The following EYS variants were observed in gnomAD, a reference collection of about 807,000 sequenced individuals.
EYS encodes the protein protein eyes shut homolog.
Under a neutral mutation model 282.1 loss-of-function variants are expected in EYS, and 250 were observed. The observed-to-expected ratio is 0.89, with a 90% CI of 0.80 to 0.98. The LOEUF (loss-of-function observed/expected upper bound fraction) is 0.98, where lower values mean the gene tolerates loss of function less well. EYS is among the 50% of genes least tolerant of loss of function. The pLI, the probability that EYS is intolerant of heterozygous loss-of-function variation, is 0.00. For missense variants in EYS, 4,016 were observed against 3,709.0 expected, an observed-to-expected ratio of 1.08 and a Z score of -2.15; for synonymous variants, 1,355 against 1,282.9, an observed-to-expected ratio of 1.06 and a Z score of -1.20.
intron 35 of EYS, among the ~76,000 whole-genome samples, chr6:63,946,527 G>T (rs561684008): frequency 6.6e-6 from 1 of 151,906 alleles, no homozygotes; most frequent in Admixed American, 6.6e-5. Context: ...TTATATAGGA[G>T]GTCTTACGCT....
At chr6:65,548,861 TGCTCCTGATGTTCTGTA>T in intron 2 of EYS, among the ~76,000 whole-genome samples, 1 of 152,190 alleles carries the variant, frequency 6.6e-6, no homozygotes, top group Non-Finnish European at 1.5e-5. Context: ...GAAGGAGGTG[TGCTCCTGATGTTCTGTA>T]GCACAGTGGT....
chr6:64,533,830 T>G (rs1485981057), intron 26 of EYS, among the ~76,000 whole-genome samples: 1 of 151,800 alleles, frequency 6.6e-6, no homozygotes, highest in Admixed American at 6.6e-5. Context: ...TAACTACATA[T>G]GCACATGCAT....
chr6:64,976,793 C>T (rs182710066), intron 14 of EYS, among the ~76,000 whole-genome samples: 13 of 151,980 alleles, frequency 8.6e-5, no homozygotes, highest in African/African-American at 2.7e-4. Flanking sequence ...AATTTATTGG[C>T]ATAACTTATT....
chr6:64,455,579 TTGTCCTAATGCACTCCCTCCCCA>T (rs1775533904), intron 26 of EYS, among the ~76,000 whole-genome samples: 1 of 151,984 alleles, frequency 6.6e-6, no homozygotes, highest in Non-Finnish European at 1.5e-5. Context: ...CATTAGGTAT[TTGTCCTAATGCACTCCCTCCCCA>T]TGTCCCCAAT....
At chr6:64,045,092 C>A (rs951335363) in intron 33 of EYS, among the ~76,000 whole-genome samples, 2 of 152,110 alleles carry the variant, frequency 1.3e-5, no homozygotes, top group African/African-American at 4.8e-5. Context: ...AGCACACAGG[C>A]CATTCATAGA....
At chr6:65,627,025 TTC>T (rs1279279395) in intron 2 of EYS, among the ~76,000 whole-genome samples, 5 of 140,694 alleles carry the variant, frequency 3.6e-5, no homozygotes, top group Non-Finnish European at 8.0e-5. Flanking sequence ...CTTTCTTTCT[TTC>T]TCTTTCTTTC....
intron 36 of EYS, among the ~76,000 whole-genome samples, chr6:63,855,027 A>G (rs1238688292): frequency 6.6e-6 from 1 of 152,220 alleles, no homozygotes; most frequent in Admixed American, 6.5e-5. Flanking sequence ...GAACCATTAG[A>G]CTGGTATACT....
chr6:64,124,930 T>A (rs1462086567), intron 31 of EYS, among the ~76,000 whole-genome samples: 1 of 152,216 alleles, frequency 6.6e-6, no homozygotes, highest in Non-Finnish European at 1.5e-5. Context: ...TGTGACCTAG[T>A]GGATGAAAAT....
intron 14 of EYS, among the ~76,000 whole-genome samples, chr6:64,974,083 A>T (rs191995692): frequency 6.6e-6 from 1 of 152,066 alleles, no homozygotes; most frequent in Admixed American, 6.6e-5. Flanking sequence ...AAGAATTCAC[A>T]GATTATAAGC....
chr6:64,562,129 T>C (rs1260911072), intron 26 of EYS, among the ~76,000 whole-genome samples: 2 of 150,182 alleles, frequency 1.3e-5, no homozygotes, highest in African/African-American at 2.5e-5. Context: ...TATCAGGCCT[T>C]CTTAGAGACT....
rs375320904 is a variant in EYS at position 64,789,164 on chromosome 6, A to G, written c.3443+24214T>C. On this transcript the variant is annotated intron_variant, in intron 22 of 42. Transcript: ENST00000503581. Reference sequence around the variant, plus strand: ...CCACTTCTATTTTCAACTGAAACAAATGTATTTATCTTTCTAAAATACAAA... The same window carrying G: ...CCACTTCTATTTTCAACTGAAACAAGTGTATTTATCTTTCTAAAATACAAA... Among the ~76,000 whole-genome samples the G allele has an allele frequency of 4.3e-4, 66 of 152,318 alleles. No individual in the cohort carries two copies. The South Asian group carries it at 7.7e-3, about 18-fold the overall frequency.
chr6:64,005,313 T>A (rs1433928587), intron 33 of EYS, among the ~76,000 whole-genome samples: 2 of 152,178 alleles, frequency 1.3e-5, no homozygotes, highest in Non-Finnish European at 2.9e-5. Flanking sequence ...CACTTTTTAG[T>A]GAGGTTTTTT....
chr6:65,692,886 A>T lies in EYS; in HGVS notation c.-448+14249T>A, dbSNP rs957477906. ...AACTCATAGAGAAGGTTTATATTTT[A>T]CTTTTTAGAATTTTGGAAATAATAA... On this transcript the variant is annotated intron_variant, in intron 1 of 42. Transcript: ENST00000503581. 2.0e-5 allele frequency among the ~76,000 whole-genome samples: 3 copies of T among 150,206 alleles called. No individual in the cohort carries two copies. In the South Asian group the frequency reaches 6.4e-4, roughly 32 times the overall value.
intron 2 of EYS, among the ~76,000 whole-genome samples, chr6:65,519,723 T>A (rs1465390240): frequency 9.2e-6 from 1 of 108,864 alleles, no homozygotes; most frequent in Non-Finnish European, 1.8e-5. Flanking sequence ...TTTTTTTTTT[T>A]TTTTTTTTTT....
chr6:65,021,552 G>T (rs9342457), intron 13 of EYS, among the ~76,000 whole-genome samples: 4,538 of 152,246 alleles, frequency 0.03, 160 homozygotes, highest in East Asian at 0.18. Context: ...TCTCTAAGAA[G>T]TTCCAAATGT....
chr6:63,856,607 C>T (rs909054160), intron 36 of EYS, among the ~76,000 whole-genome samples: 2 of 152,042 alleles, frequency 1.3e-5, no homozygotes, highest in African/African-American at 2.4e-5. Context: ...AATTTGGTTT[C>T]CATTTAGTGT....
intron 22 of EYS, among the ~76,000 whole-genome samples, chr6:64,630,054 G>A (rs1767730206): frequency 6.6e-6 from 1 of 151,940 alleles, no homozygotes; most frequent in African/African-American, 2.4e-5. Flanking sequence ...CCTTTATTAG[G>A]TTAAGGAGTT....
At chr6:65,492,635 GT>G (rs1231792399) in intron 4 of EYS, among the ~76,000 whole-genome samples, 1 of 152,152 alleles carries the variant, frequency 6.6e-6, no homozygotes, top group East Asian at 1.9e-4. Context: ...CAGTTTGAGT[GT>G]TTTCACATTT....
chr6:65,056,987 T>TA (rs1429692493), intron 13 of EYS, among the ~76,000 whole-genome samples: 1 of 151,940 alleles, frequency 6.6e-6, no homozygotes, highest in African/African-American at 2.4e-5. Context: ...TTAAGGTAAA[T>TA]AGGTATAACA....
Sources: gnomAD v4.1 joint callset for allele counts (sites outside exome capture counted in the v4.1 genomes callset) on GRCh38, gnomAD v4.1.1 for gene constraint, MANE v1.5 for transcripts, NCBI Gene and HGNC (gene_info 2026-07-23, HGNC 2026-07-21) for gene names.